Variants in MEGF6 observed in about 807,000 individuals in gnomAD.
MEGF6 encodes multiple epidermal growth factor-like domains protein 6.
A neutral mutation model predicts 207.1 loss-of-function variants in MEGF6; 184 were observed. That is an observed-to-expected ratio of 0.89 (90% confidence interval 0.79 to 1.00). The LOEUF (loss-of-function observed/expected upper bound fraction) is 1.00, where lower values mean the gene tolerates loss of function less well. Ranked by LOEUF, MEGF6 falls within the 50% of genes least tolerant of loss-of-function variation. The pLI, the probability that MEGF6 is intolerant of heterozygous loss-of-function variation, is 0.00. For synonymous variants in MEGF6, 1,038 were observed against 910.0 expected, an observed-to-expected ratio of 1.14 and a Z score of -2.53; for missense variants, 2,282 against 2,202.9, an observed-to-expected ratio of 1.04 and a Z score of -0.72.
intron 4 of MEGF6, among the ~76,000 whole-genome samples, chr1:3,566,503 T>C (rs1643346786): frequency 1.3e-5 from 2 of 152,156 alleles, no homozygotes. Context: ...CACAGGCCGC[T>C]CTGGAAGACC....
intron 4 of MEGF6, among the ~76,000 whole-genome samples, chr1:3,538,436 C>T (rs1024640290): frequency 6.6e-6 from 1 of 152,242 alleles, no homozygotes; most frequent in Non-Finnish European, 1.5e-5. Flanking sequence ...CTCGCCCAAG[C>T]CAAAGGAAGG....
At position 3,488,210 on chromosome 1, in the gene MEGF6, G is replaced by A. The variant is rs1448604886; in HGVS notation, c.*2318C>T. On this transcript the variant is annotated 3_prime_UTR_variant, in exon 37 of 37. Transcript: ENST00000356575. Reference sequence around the variant, plus strand: ...CGTTAACATTAGGATCTGTGAGCGTGTTTTCTAGTTATTCTGCTTTATTTT... The same window carrying A: ...CGTTAACATTAGGATCTGTGAGCGTATTTTCTAGTTATTCTGCTTTATTTT... 2.6e-5 allele frequency among the ~76,000 whole-genome samples: 4 copies of A among 152,190 alleles called. No homozygotes were observed. Among genetic ancestry groups the A allele is most frequent in the Non-Finnish European group, 5.9e-5 (4 of 68,038 alleles).
intron 4 of MEGF6, among the ~76,000 whole-genome samples, chr1:3,547,525 C>T (rs538940279): frequency 1.3e-5 from 2 of 152,246 alleles, no homozygotes; most frequent in African/African-American, 4.8e-5. Flanking sequence ...TCAGGAAAAA[C>T]CCGGCTTCCC....
intron 4 of MEGF6, among the ~76,000 whole-genome samples, chr1:3,533,533 A>G (rs2487672): frequency 0.11 from 16,473 of 152,258 alleles, 987 homozygotes; most frequent in Admixed American, 0.15. Context: ...CCACAGCCCA[A>G]CAGGGCCTCA....
rs1464367997 is a variant in MEGF6, at chr1:3,488,269, T to A, written c.*2259A>T. Among the ~76,000 whole-genome samples the A allele has an allele frequency of 6.6e-6, 1 of 152,238 alleles. No individual in the cohort carries two copies. The highest frequency in any genetic ancestry group is 2.4e-5 in the African/African-American group (1 of 41,462). On this transcript the variant is annotated 3_prime_UTR_variant, in exon 37 of 37. Transcript: ENST00000356575. ...CCTGACCGCCGTTGGATAGCTGAGATTTCCTCCGGATGGGCAGAAGCTCGG... is the reference window on the plus strand; with the variant it reads ...CCTGACCGCCGTTGGATAGCTGAGAATTCCTCCGGATGGGCAGAAGCTCGG...
chr1:3,540,933 C>T (rs530309654), intron 4 of MEGF6, among the ~76,000 whole-genome samples: 36 of 152,228 alleles, frequency 2.4e-4, no homozygotes, highest in Admixed American at 1.3e-3. Flanking sequence ...AAGGGCTGGG[C>T]GCTTCTGGCA....
In MEGF6 at chr1:3,496,014, A is replaced by G; in HGVS notation, c.3747T>C (p.Cys1249=). 1 of 1,524,536 alleles carries G rather than the reference A, an allele frequency of 6.6e-7. No individual in the cohort carries two copies. The highest frequency in any genetic ancestry group is 8.8e-7 in the Non-Finnish European group (1 of 1,142,806). The allele number at this position is 1,524,536 out of a possible 1,614,324, so 94.4% of individuals were successfully genotyped here. Reference sequence around the variant, plus strand: ...AGTTGGGGCCGAAGCGGCCCTGCGGACAGGCTGCCGGGGAGGAAGTGGTGA... The same window carrying G: ...AGTTGGGGCCGAAGCGGCCCTGCGGGCAGGCTGCCGGGGAGGAAGTGGTGA... The part of the protein sequence containing the change: ...GFLGTDCNLT[C]PQGRFGPNCT... The change falls in exon 30 of 37, where the codon TGT becomes TGC. Residue 1249 remains cysteine, a synonymous_variant. Coordinates refer to ENST00000356575, the MANE Select transcript of MEGF6 (RefSeq NM_001409.4).
chr1:3,541,562 C>T (rs1454199635), intron 4 of MEGF6, among the ~76,000 whole-genome samples: 1 of 152,228 alleles, frequency 6.6e-6, no homozygotes, highest in African/African-American at 2.4e-5. Context: ...CCCTTGCCCA[C>T]TCGTTTCTCC....
At position 3,595,419 on chromosome 1, in the gene MEGF6, C is replaced by A; in HGVS notation, c.295G>T (p.Val99Leu). The A allele has an allele frequency of 6.2e-7, 1 of 1,612,698 alleles. No homozygotes were observed. Among genetic ancestry groups the A allele is most frequent in the Non-Finnish European group, 8.5e-7 (1 of 1,179,894 alleles). ...RTVYYMGYRQ[V>L]YTTEARTVLR... ...ACGGTCCGGGCCTCCGTGGTATACA[C>A]CTGCCTGTAGCCCATGTAGTAGACG... The change falls in exon 3 of 37, where the codon GTG becomes TTG. Residue 99 changes from valine (V) to leucine (L), a missense_variant. Transcript: ENST00000356575.
chr1:3,619,712 C>A, the MEGF6 span, among the ~76,000 whole-genome samples: 3 of 150,830 alleles, frequency 2.0e-5, no homozygotes, highest in Admixed American at 6.6e-5. Flanking sequence ...AATTGAACCT[C>A]TTTCCTTTAT....
chr1:3,516,482 T>C (rs74050562), intron 5 of MEGF6, among the ~76,000 whole-genome samples: 33 of 152,238 alleles, frequency 2.2e-4, no homozygotes, highest in African/African-American at 7.5e-4. Flanking sequence ...CCAAACCCCA[T>C]TACCAAAGCG....
At chr1:3,542,068 C>T (rs1642544720) in intron 4 of MEGF6, among the ~76,000 whole-genome samples, 2 of 152,232 alleles carry the variant, frequency 1.3e-5, no homozygotes, top group African/African-American at 4.8e-5. Flanking sequence ...CGCCCAGACC[C>T]GGCCTGGCCG....
rs918720262 is a variant in MEGF6, at chr1:3,488,012, T to C, written c.*2516A>G. On this transcript the variant is annotated 3_prime_UTR_variant, in exon 37 of 37. Coordinates refer to ENST00000356575, the MANE Select transcript of MEGF6 (RefSeq NM_001409.4). ...ACAATAATTGTAGATATTCATCGGATACACAGTGATGTTTTGATACATGGG... is the reference window on the plus strand; with the variant it reads ...ACAATAATTGTAGATATTCATCGGACACACAGTGATGTTTTGATACATGGG... 2.0e-5 allele frequency among the ~76,000 whole-genome samples: 3 copies of C among 152,222 alleles called. No homozygotes were observed. The highest frequency in any genetic ancestry group is 2.9e-5 in the Non-Finnish European group (2 of 68,036).
intron 4 of MEGF6, among the ~76,000 whole-genome samples, chr1:3,549,080 G>A (rs1295767507): frequency 1.3e-5 from 2 of 152,270 alleles, no homozygotes; most frequent in African/African-American, 4.8e-5. Context: ...CCCCAGGCCG[G>A]GCTGAGCTCT....
the MEGF6 span, chr1:3,623,556 C>T: frequency 6.6e-6 from 1 of 152,336 alleles, no homozygotes; most frequent in African/African-American, 2.4e-5. Context: ...AGACAGCCTC[C>T]CTGTGGGACA....
At chr1:3,547,473 C>CGT in intron 4 of MEGF6, among the ~76,000 whole-genome samples, 2 of 152,292 alleles carry the variant, frequency 1.3e-5, no homozygotes, top group Middle Eastern at 3.4e-3. Context: ...GATCGGCTGC[C>CGT]GTGTGTGTTC....
intron 9 of MEGF6, 25 bp from the exon 10 acceptor site, chr1:3,510,927 C>A (rs1439366358): frequency 1.3e-6 from 2 of 1,584,922 alleles, no homozygotes; most frequent in Admixed American, 3.4e-5. Flanking sequence ...CCACGGGCCC[C>A]CTGGTACCAG....
Position 3,505,443 on chromosome 1 carries a change from G to A in MEGF6, c.2032C>T (p.Arg678Trp), listed in dbSNP as rs367928595. 281 of 1,588,882 alleles carry A rather than the reference G, an allele frequency of 1.8e-4. 4 individuals carry two copies. In the East Asian group the frequency reaches 3.0e-3, roughly 17 times the overall value. The change falls in exon 16 of 37, where the codon CGG becomes TGG. Residue 678 changes from arginine to tryptophan, a missense_variant. By Grantham distance (101) the Arg-to-Trp change is moderately radical. Coordinates refer to ENST00000356575, the MANE Select transcript of MEGF6 (RefSeq NM_001409.4). ...TCACCTGCCTGACAGCGCTCGCCCCGGAAGCCAGCCTTGCAGGAGCAGCTG... is the reference window on the plus strand; with the variant it reads ...TCACCTGCCTGACAGCGCTCGCCCCAGAAGCCAGCCTTGCAGGAGCAGCTG... ...DGSCSCKAGF[R>W]GERCQAECEL...
intron 2 of MEGF6, among the ~76,000 whole-genome samples, chr1:3,599,015 C>A (rs1283263254): frequency 6.6e-6 from 1 of 152,216 alleles, no homozygotes; most frequent in Non-Finnish European, 1.5e-5. Context: ...CTACTCTGGG[C>A]CGGGCCGGGC....
Sources: allele counts gnomAD v4.1 joint callset (sites outside exome capture counted in the v4.1 genomes callset), GRCh38; gene constraint gnomAD v4.1.1; transcripts MANE v1.5; gene names NCBI Gene and HGNC (gene_info 2026-07-23, HGNC 2026-07-21).